PIEZO2: variants seen among roughly 807,000 people sequenced by gnomAD.
PIEZO2 encodes the protein piezo-type mechanosensitive ion channel component 2.
A neutral mutation model predicts 337.3 loss-of-function variants in PIEZO2; 172 were observed. The observed-to-expected ratio is 0.51, with a 90% confidence interval of 0.45 to 0.58. The LOEUF is 0.58. Among genes scored for constraint, PIEZO2 ranks in the 20% least tolerant of loss-of-function variants. PIEZO2 has a pLI of 0.00. For synonymous variants in PIEZO2, 1,251 were observed against 1,228.5 expected (o/e 1.02, Z -0.38); for missense variants, 3,028 against 3,391.3 (o/e 0.89, Z 2.66).
chr18:11,126,831 C>CT lies in PIEZO2; in HGVS notation c.64+21693dup, dbSNP rs1449206756. On this transcript the variant is annotated intron_variant, in intron 1 of 55. Coordinates refer to ENST00000674853, the MANE Select transcript of PIEZO2 (RefSeq NM_001378183.1). This position sits in a 1 kb window ranked among gnomAD's most constrained non-coding sequence, Gnocchi z 4.6. The stretch of plus-strand genomic sequence containing the variant: ...CCCCAGTGACCCTATGAGGTAGTTA[C>CT]TTTTATTGCCTGCATTTTACAGATG... Among the ~76,000 whole-genome samples, 1 of 151,794 alleles carries CT rather than the reference C, an allele frequency of 6.6e-6. No homozygotes were observed. Among genetic ancestry groups the CT allele is most frequent in the Middle Eastern group, 3.2e-3 (1 of 316 alleles).
At position 10,800,412 on chromosome 18, in the gene PIEZO2, T is replaced by A; in HGVS notation, c.1303A>T (p.Met435Leu). 6.5e-7 allele frequency: 1 copy of A among 1,536,210 alleles called. No individual in the cohort carries two copies. The highest frequency in any genetic ancestry group is 8.7e-7 in the Non-Finnish European group (1 of 1,146,486). The change falls in exon 11 of 56, where the codon ATG becomes TTG. Residue 435 changes from methionine to leucine, a missense_variant. Met to Leu is a conservative substitution (Grantham distance 15). Around this residue, in one of 5 missense-constraint regions of PIEZO2, gnomAD observed 542 missense variants for 605.6 expected, o/e 0.89. Transcript: ENST00000674853. ...DYHTIHPSLP[M>L]ENGPGKADLY... ...TCGGCTTTGCCAGGGCCGTTCTCCATGGGCAGGCTTGGGTGGATGGTGTGG... is the reference window on the plus strand; with the variant it reads ...TCGGCTTTGCCAGGGCCGTTCTCCAAGGGCAGGCTTGGGTGGATGGTGTGG...
chr18:11,120,528 G>A (rs1055998734), intron 1 of PIEZO2, among the ~76,000 whole-genome samples: 1 of 152,148 alleles, frequency 6.6e-6, no homozygotes, highest in African/African-American at 2.4e-5. Flanking sequence ...AGGAAGACAG[G>A]AAAGAGAGGG....
intron 20 of PIEZO2, among the ~76,000 whole-genome samples, chr18:10,772,757 A>C (rs949702540): frequency 6.6e-6 from 1 of 152,232 alleles, no homozygotes; most frequent in Non-Finnish European, 1.5e-5. Flanking sequence ...GTCAGATAAC[A>C]TGTCCTGATC....
chr18:10,822,859 T>C (rs544134206), intron 7 of PIEZO2, among the ~76,000 whole-genome samples: 4 of 152,234 alleles, frequency 2.6e-5, no homozygotes, highest in Non-Finnish European at 4.4e-5. Context: ...CTAACTTTCA[T>C]AAATTAAACT....
At chr18:11,018,433 G>GTGTGTGTGTT (rs2036199917) in intron 2 of PIEZO2, among the ~76,000 whole-genome samples, 1 of 120,332 alleles carries the variant, frequency 8.3e-6, no homozygotes, top group Admixed American at 9.0e-5. Context: ...GTGTGTGTGT[G>GTGTGTGTGTT]TTGAAATAAA....
Position 10,748,331 on chromosome 18 carries a change from T to A in PIEZO2, c.4424+140A>T, listed in dbSNP as rs1415098615. ...CTATTTTACAGGCCTTGTGCTAAATTCTTCTTGGATTGGTTTTGCTGGAAG... is the reference window on the plus strand; with the variant it reads ...CTATTTTACAGGCCTTGTGCTAAATACTTCTTGGATTGGTTTTGCTGGAAG... On this transcript the variant is annotated intron_variant, in intron 30 of 55. Coordinates refer to ENST00000674853, the MANE Select transcript of PIEZO2 (RefSeq NM_001378183.1). The surrounding 1 kb of genome is among the most constrained non-coding windows in gnomAD (Gnocchi z 5.1). 1 of 825,518 alleles carries A rather than the reference T, an allele frequency of 1.2e-6. No homozygotes were observed. Among genetic ancestry groups the A allele is most frequent in the African/African-American group, 1.7e-5 (1 of 57,652 alleles). The allele number at this position is 825,518 out of a possible 1,614,324, so 51.1% of individuals were successfully genotyped here.
Position 10,671,678 on chromosome 18 carries a change from T to C in PIEZO2, c.8447A>G (p.Asn2816Ser), listed in dbSNP as rs368809105. 8 of 1,613,900 alleles carry C rather than the reference T, an allele frequency of 5.0e-6. No individual in the cohort carries two copies. The African/African-American group carries it at 8.0e-5, about 16-fold the overall frequency. The change falls in exon 56 of 56, where the codon AAT becomes AGT. Residue 2816 changes from asparagine (N) to serine (S), a missense_variant. Asn to Ser is a conservative substitution (Grantham distance 46). Around this residue, in one of 5 missense-constraint regions of PIEZO2, gnomAD observed 332 missense variants for 363.8 expected, o/e 0.91. Transcript: ENST00000674853. Reference protein sequence around the residue: ...SHSIMFEELPNVDRILKLCTD... With the variant: ...SHSIMFEELPSVDRILKLCTD... ...GCACAACTTCAAAATTCGATCCACA[T>C]TTGGAAGCTCTTCAAACATGATGGA...
rs1211632883 is a variant in PIEZO2, at chr18:10,846,905, G to A, written c.917+8448C>T. On this transcript the variant is annotated intron_variant, in intron 7 of 55. Coordinates refer to ENST00000674853, the MANE Select transcript of PIEZO2 (RefSeq NM_001378183.1). The surrounding 1 kb of genome is among the most constrained non-coding windows in gnomAD (Gnocchi z 4.1). ...GGCTAGAACTGTTGGAAATGGGGAA[G>A]TGAGTTTGAATAATAAAAATATTTG... Among the ~76,000 whole-genome samples the A allele has an allele frequency of 6.6e-6, 1 of 152,176 alleles. No homozygotes were observed. The highest frequency in any genetic ancestry group is 1.9e-4 in the East Asian group (1 of 5,194).
intron 3 of PIEZO2, among the ~76,000 whole-genome samples, chr18:10,946,334 A>T (rs759978005): frequency 2.0e-5 from 3 of 152,184 alleles, no homozygotes; most frequent in Non-Finnish European, 4.4e-5. Flanking sequence ...ATACTAGGAG[A>T]AAAACAAAAT....
Position 10,759,750 on chromosome 18 carries a change from AG to A in PIEZO2, c.3609del (p.Phe1204SerfsTer31). On this transcript the variant is annotated frameshift_variant, in exon 25 of 56. Transcript: ENST00000674853. LOFTEE classifies it high-confidence loss of function. This position sits in a 1 kb window ranked among gnomAD's most constrained non-coding sequence, Gnocchi z 5.5. ...ATGCCAATGCAGATGAAATACTGGA[AG>A]GTGATGATGCATGCCAGGAAGCAGC... ...KYCCFLACIITFQYFICIGIP... is the reference protein window; with the variant it reads ...KYCCFLACIIXFQYFICIGIP... The A allele has an allele frequency of 6.5e-7, 1 of 1,537,328 alleles. No homozygotes were observed. The highest frequency in any genetic ancestry group is 8.7e-7 in the Non-Finnish European group (1 of 1,146,922).
intron 17 of PIEZO2, among the ~76,000 whole-genome samples, chr18:10,782,448 T>TA (rs2039057695): frequency 3.2e-5 from 2 of 63,438 alleles, no homozygotes; most frequent in African/African-American, 5.9e-5. Context: ...TAATATATTA[T>TA]ATAGTATATA....
chr18:10,879,586 G>A (rs561962883), intron 4 of PIEZO2, among the ~76,000 whole-genome samples: 50 of 151,970 alleles, frequency 3.3e-4, no homozygotes, highest in African/African-American at 9.9e-4. Flanking sequence ...TAGTATAGAC[G>A]GGGTTTCATC....
In PIEZO2 at chr18:10,718,186, CTTTAT is replaced by C. The variant is rs1344293611; in HGVS notation, c.5089+9_5089+13del. On this transcript the variant is annotated intron_variant, in intron 37 of 55. Transcript: ENST00000674853. ...CAAAGTTCCCACAGCTCATATTTGT[CTTTAT>C]TTTGTTACCTGGTCCATCGGATTTC... 2.0e-6 allele frequency: 3 copies of C among 1,533,188 alleles called. No homozygotes were observed. The African/African-American group carries it at 4.1e-5, about 21-fold the overall frequency. 95.0% of individuals were successfully genotyped at this position (1,533,188 alleles called of 1,614,324 possible). A position where few individuals can be genotyped will look rare whatever the true frequency, so the allele number is the denominator to read the frequency against.
intron 49 of PIEZO2, among the ~76,000 whole-genome samples, chr18:10,684,080 CCTT>C (rs2034404189): frequency 1.1e-4 from 1 of 9,004 alleles, no homozygotes; most frequent in African/African-American, 1.7e-4. Flanking sequence ...CTTCCTTTTT[CCTT>C]CCTTCCTTCC....
rs780585050 is a variant in PIEZO2, at chr18:11,032,743, G to A, written c.160+33384C>T. Reference sequence around the variant, plus strand: ...TGTGAATATGTGCACACATACAGATGTAGAGTTTTCTAGACAAAGGACATG... The same window carrying A: ...TGTGAATATGTGCACACATACAGATATAGAGTTTTCTAGACAAAGGACATG... On this transcript the variant is annotated intron_variant, in intron 2 of 55. Coordinates refer to ENST00000674853, the MANE Select transcript of PIEZO2 (RefSeq NM_001378183.1). The surrounding 1 kb of genome is among the most constrained non-coding windows in gnomAD (Gnocchi z 4.9). 6.6e-6 allele frequency among the ~76,000 whole-genome samples: 1 copy of A among 152,214 alleles called. No individual in the cohort carries two copies. The highest frequency in any genetic ancestry group is 1.5e-5 in the Non-Finnish European group (1 of 68,038).
At position 10,673,667 on chromosome 18, in the gene PIEZO2, T is replaced by C. The variant is rs1374343472; in HGVS notation, c.8162-794A>G. On this transcript the variant is annotated intron_variant, in intron 54 of 55. Coordinates refer to ENST00000674853, the MANE Select transcript of PIEZO2 (RefSeq NM_001378183.1). This position sits in a 1 kb window ranked among gnomAD's most constrained non-coding sequence, Gnocchi z 4.8. ...TAGGGTAAAAAGCTTGTAGTGACAT[T>C]GTATAGGTCTTTCTAAGAAGATTCC... is the stretch of plus-strand genomic sequence containing the variant. Among the ~76,000 whole-genome samples the C allele has an allele frequency of 2.0e-5, 3 of 152,302 alleles. No individual in the cohort carries two copies. Among genetic ancestry groups the C allele is most frequent in the African/African-American group, 7.2e-5 (3 of 41,558 alleles).
In PIEZO2 at chr18:11,126,772, G is replaced by C. The variant is rs2146216863; in HGVS notation, c.64+21753C>G. 7.6e-6 allele frequency among the ~76,000 whole-genome samples: 1 copy of C among 131,016 alleles called. No individual in the cohort carries two copies. The highest frequency in any genetic ancestry group is 1.6e-5 in the Non-Finnish European group (1 of 62,946). 86.0% of individuals were successfully genotyped at this position (131,016 alleles called of 152,430 possible). A position where few individuals can be genotyped will look rare whatever the true frequency, so the allele number is the denominator to read the frequency against. On this transcript the variant is annotated intron_variant, in intron 1 of 55. Transcript: ENST00000674853. The surrounding 1 kb of genome is among the most constrained non-coding windows in gnomAD (Gnocchi z 4.6). The stretch of plus-strand genomic sequence containing the variant: ...ACTATATGCCAGGTACTGTTACACA[G>C]TACCTTAAGTACATTACTATTTTTT...
At chr18:10,788,968 A>C in intron 15 of PIEZO2, 111 bp downstream of exon 15, 1 of 1,221,990 alleles carries the variant, frequency 8.2e-7, no homozygotes, top group Non-Finnish European at 1.1e-6. Context: ...AATCTTGCCA[A>C]TCACTTTATC....
chr18:10,860,756 G>T (rs2041850279), intron 5 of PIEZO2, among the ~76,000 whole-genome samples: 1 of 152,194 alleles, frequency 6.6e-6, no homozygotes, highest in Non-Finnish European at 1.5e-5. Context: ...TTCAATTATA[G>T]AATTGCTACG....
Sources: gnomAD v4.1 joint callset for allele counts (sites outside exome capture counted in the v4.1 genomes callset) on GRCh38, gnomAD v4.1.1 for gene constraint, gnomAD v4.1.1 regional missense constraint, Gnocchi (gnomAD v3.1) non-coding constraint, MANE v1.5 for transcripts, NCBI Gene and HGNC (gene_info 2026-07-23, HGNC 2026-07-21) for gene names.